Variants in SPATS1 observed in about 807,000 individuals in gnomAD.
The protein encoded by SPATS1 is spermatogenesis associated serine rich 1, also known as spermatogenesis-associated serine-rich protein 1.
In SPATS1, 23 loss-of-function variants were observed where a neutral mutation model predicts 33.6. The ratio of observed to expected loss-of-function variants is 0.68; its 90% confidence interval spans 0.49 to 0.97. The LOEUF is 0.97. SPATS1 is among the 50% of genes least tolerant of loss of function. The pLI, the probability that SPATS1 is intolerant of heterozygous loss-of-function variation, is 0.00. For missense variants in SPATS1, 327 were observed against 361.0 expected (o/e 0.91, Z 0.76); for synonymous variants, 131 against 125.6 (o/e 1.04, Z -0.29).
At chr6:44,348,748 C>T (rs1393231812) in intron 2 of SPATS1, among the ~76,000 whole-genome samples, 1 of 152,188 alleles carries the variant, frequency 6.6e-6, no homozygotes, top group Non-Finnish European at 1.5e-5. Context: ...CTTTGGGAGG[C>T]CAAGGCAGGC....
At chr6:44,344,549 G>A (rs1427639816) in intron 2 of SPATS1, among the ~76,000 whole-genome samples, 1 of 152,072 alleles carries the variant, frequency 6.6e-6, no homozygotes, top group Non-Finnish European at 1.5e-5. Flanking sequence ...AAGCAGGGGT[G>A]GGAAATAGTG....
In SPATS1 at chr6:44,379,307, C is replaced by A. The variant is rs1790097198; in HGVS notation, c.*2244C>A. ...ACCATAAATATATTAAGGAAAACAA[C>A]CGGCTGGGCGTGGTGGCTCACGCCT... is the stretch of plus-strand genomic sequence containing the variant. On this transcript the variant is annotated 3_prime_UTR_variant, in exon 9 of 9. Coordinates refer to ENST00000674044, the MANE Select transcript of SPATS1 (RefSeq NM_001372081.1). Among the ~76,000 whole-genome samples, 1 of 151,990 alleles carries A rather than the reference C, an allele frequency of 6.6e-6. No individual in the cohort carries two copies. The highest frequency in any genetic ancestry group is 6.5e-5 in the Admixed American group (1 of 15,274).
intron 7 of SPATS1, 114 bp from the exon 8 acceptor site, chr6:44,376,244 G>A (rs1199466910): frequency 9.6e-6 from 6 of 625,660 alleles, no homozygotes; most frequent in Non-Finnish European, 1.7e-5. Flanking sequence ...TTTTGAAGCT[G>A]GTCTCCTAAA....
At chr6:44,356,560 A>T (rs1186760482) in intron 3 of SPATS1, among the ~76,000 whole-genome samples, 1 of 152,194 alleles carries the variant, frequency 6.6e-6, no homozygotes, top group African/African-American at 2.4e-5. Context: ...TGAAGGCTCA[A>T]CTGTGGGAGG....
At chr6:44,358,603 C>T (rs1345702014) in intron 3 of SPATS1, among the ~76,000 whole-genome samples, 2 of 152,168 alleles carry the variant, frequency 1.3e-5, no homozygotes, top group African/African-American at 2.4e-5. Context: ...GCACACAACT[C>T]GATGGTTTTT....
chr6:44,367,020 C>T (rs1789289793), intron 5 of SPATS1, among the ~76,000 whole-genome samples: 1 of 152,214 alleles, frequency 6.6e-6, no homozygotes, highest in Admixed American at 6.5e-5. Flanking sequence ...CACCTCTTGT[C>T]ACCCAACTCT....
At chr6:44,360,334 G>T in intron 3 of SPATS1, 112 bp from the exon 4 acceptor site, 3 of 1,321,830 alleles carry the variant, frequency 2.3e-6, no homozygotes, top group Non-Finnish European at 3.1e-6. Context: ...GACTTTTATA[G>T]AGGAGTAGTC....
At chr6:44,345,578 T>C (rs992738041) in intron 2 of SPATS1, among the ~76,000 whole-genome samples, 1 of 152,148 alleles carries the variant, frequency 6.6e-6, no homozygotes, top group African/African-American at 2.4e-5. Flanking sequence ...AGTGGCAATA[T>C]ACAACTAAAA....
intron 2 of SPATS1, among the ~76,000 whole-genome samples, chr6:44,351,095 C>T (rs1788203317): frequency 7.4e-6 from 1 of 136,016 alleles, no homozygotes; most frequent in African/African-American, 2.8e-5. Context: ...TGAACTCCAG[C>T]CTGGGTGACA....
At chr6:44,355,454 G>T (rs1219220925) in intron 3 of SPATS1, among the ~76,000 whole-genome samples, 2 of 152,200 alleles carry the variant, frequency 1.3e-5, no homozygotes, top group South Asian at 2.1e-4. Flanking sequence ...TATGTGGAGA[G>T]AATTTTCTCA....
chr6:44,371,198 C>G (rs887678364), intron 7 of SPATS1, among the ~76,000 whole-genome samples: 3 of 151,644 alleles, frequency 2.0e-5, no homozygotes, highest in African/African-American at 7.3e-5. Context: ...ACTTGGGAGG[C>G]TGAGGCAGGA....
intron 8 of SPATS1, 36 bp from the exon 9 acceptor site, chr6:44,376,999 G>A: frequency 6.2e-7 from 1 of 1,613,750 alleles, no homozygotes; most frequent in South Asian, 1.1e-5. Context: ...GTTTTGTAAT[G>A]GAAGAAAACC....
At chr6:44,346,157 G>A (rs773495166) in intron 2 of SPATS1, among the ~76,000 whole-genome samples, 1 of 151,876 alleles carries the variant, frequency 6.6e-6, no homozygotes, top group East Asian at 1.9e-4. Context: ...TGGACATGCT[G>A]GTGTGTGCCC....
intron 3 of SPATS1, among the ~76,000 whole-genome samples, chr6:44,355,588 T>C (rs1238695801): frequency 6.6e-6 from 1 of 152,256 alleles, no homozygotes; most frequent in Admixed American, 6.5e-5. Context: ...AATAGTGCTG[T>C]AATGCGTGTC....
At chr6:44,376,214 T>C (rs1263204730) in intron 7 of SPATS1, 144 bp from the exon 8 acceptor site, 8 of 584,950 alleles carry the variant, frequency 1.4e-5, no homozygotes, top group Non-Finnish European at 2.1e-5. Context: ...GAGCAAACGG[T>C]GAACAACTAA....
At chr6:44,352,406 A>G (rs1434448410) in intron 2 of SPATS1, among the ~76,000 whole-genome samples, 1 of 152,050 alleles carries the variant, frequency 6.6e-6, no homozygotes, top group African/African-American at 2.4e-5. Context: ...TTGGCCTCCC[A>G]AAGTGCTGAG....
At chr6:44,354,865 C>T (rs1583082267) in intron 3 of SPATS1, among the ~76,000 whole-genome samples, 2 of 152,128 alleles carry the variant, frequency 1.3e-5, no homozygotes, top group Non-Finnish European at 2.9e-5. Flanking sequence ...TTCTGTCACC[C>T]AGGCAGTGGC....
At chr6:44,358,283 C>T (rs539763547) in intron 3 of SPATS1, among the ~76,000 whole-genome samples, 137 of 152,248 alleles carry the variant, frequency 9.0e-4, no homozygotes, top group Admixed American at 3.3e-3. Flanking sequence ...GATCATTGTA[C>T]CTGAAAACAT....
Position 44,378,607 on chromosome 6 carries a change from C to A in SPATS1, c.*1544C>A, listed in dbSNP as rs895030387. On this transcript the variant is annotated 3_prime_UTR_variant, in exon 9 of 9. Coordinates refer to ENST00000674044, the MANE Select transcript of SPATS1 (RefSeq NM_001372081.1). ...GTCAACATGGCGAAACCTGTCTCTA[C>A]TAAAATCACAAAAATTAGCCAGGCA... 6.6e-6 allele frequency: 1 copy of A among 152,036 alleles called. No homozygotes were observed. Among genetic ancestry groups the A allele is most frequent in the Non-Finnish European group, 1.5e-5 (1 of 68,036 alleles). The allele number at this position is 152,036 out of a possible 1,614,324, so 9.4% of individuals were successfully genotyped here. A position where few individuals can be genotyped will look rare whatever the true frequency, so the allele number is the denominator to read the frequency against.
Sources: allele counts gnomAD v4.1 joint callset (sites outside exome capture counted in the v4.1 genomes callset), GRCh38; gene constraint gnomAD v4.1.1; transcripts MANE v1.5; gene names NCBI Gene and HGNC (gene_info 2026-07-23, HGNC 2026-07-21).